ADGRG4: variants seen among roughly 807,000 people sequenced by gnomAD.
ADGRG4 encodes G protein-coupled receptor 112.
ADGRG4 carries 122 observed loss-of-function variants against 126.2 expected under a neutral mutation model. The ratio of observed to expected loss-of-function variants is 0.97; its 90% CI spans 0.83 to 1.12. The LOEUF is 1.12. ADGRG4 is among the 50% of genes most tolerant of loss of function. ADGRG4 has a pLI of 0.00. For synonymous variants in ADGRG4, 943 were observed against 838.7 expected, an observed-to-expected ratio of 1.12 and a Z score of -2.15; for missense variants, 2,481 against 2,251.8, an observed-to-expected ratio of 1.10 and a Z score of -2.06.
intron 15 of ADGRG4, among the ~76,000 whole-genome samples, chrX:136,376,410 AT>A (rs763735002): frequency 9.0e-6 from 1 of 111,072 alleles, no homozygotes; most frequent in Non-Finnish European, 1.9e-5. Flanking sequence ...GAATTTTAGA[AT>A]TTTTTTCTAG....
intron 23 of ADGRG4, among the ~76,000 whole-genome samples, chrX:136,411,058 A>C (rs1394399783): frequency 9.0e-6 from 1 of 110,955 alleles, no homozygotes; most frequent in Non-Finnish European, 1.9e-5. Flanking sequence ...ATTTGCAATC[A>C]AGATAATTTT....
chrX:136,304,505 TCTC>T (rs1375796073), intron 2 of ADGRG4, among the ~76,000 whole-genome samples: 1 of 111,982 alleles, frequency 8.9e-6, no homozygotes, highest in Non-Finnish European at 1.9e-5. Context: ...TATAAATAAT[TCTC>T]CTCTAAATTC....
intron 3 of ADGRG4, chrX:136,306,204 C>T (rs2074732409): frequency 9.0e-6 from 1 of 110,765 alleles, no homozygotes; most frequent in Non-Finnish European, 1.9e-5. Context: ...CTCCCTCTTT[C>T]CTTTCCTTCC....
chrX:136,398,979 T>A (rs1035993555), intron 20 of ADGRG4, among the ~76,000 whole-genome samples: 1 of 112,452 alleles, frequency 8.9e-6, no homozygotes, highest in African/African-American at 3.2e-5. Context: ...CAATGCAACA[T>A]AATATTTAAA....
intron 22 of ADGRG4, among the ~76,000 whole-genome samples, chrX:136,404,747 G>A (rs981980958): frequency 3.6e-5 from 4 of 112,011 alleles, no homozygotes; most frequent in East Asian, 2.8e-4. Context: ...TTTCTGTGGC[G>A]TCTTTTAAGG....
chrX:136,384,326 C>T (rs2075282277), intron 15 of ADGRG4, among the ~76,000 whole-genome samples: 1 of 111,446 alleles, frequency 9.0e-6, no homozygotes. Context: ...AACTTTAAAC[C>T]AGACGTGTCA....
chrX:136,374,893 A>G (rs1027751520), intron 15 of ADGRG4, among the ~76,000 whole-genome samples: 1 of 110,981 alleles, frequency 9.0e-6, no homozygotes, highest in Non-Finnish European at 1.9e-5. Flanking sequence ...TTCTTTCTTT[A>G]TTGCAATAGT....
At chrX:136,391,394 C>A (rs764842538) in intron 16 of ADGRG4, among the ~76,000 whole-genome samples, 4 of 111,643 alleles carry the variant, frequency 3.6e-5, no homozygotes, top group Admixed American at 2.8e-4. Context: ...GCCTGGGGTA[C>A]TTTGGCACTG....
chrX:136,318,292 A>G (rs1381836964), intron 4 of ADGRG4, among the ~76,000 whole-genome samples: 2 of 112,045 alleles, frequency 1.8e-5, no homozygotes, highest in Non-Finnish European at 3.8e-5. Flanking sequence ...AAGGACACAT[A>G]TTGTCTAACT....
At position 136,316,640 on chromosome X, in the gene ADGRG4, T is replaced by G. The variant is rs1007230791; in HGVS notation, c.71-6138T>G. On this transcript the variant is annotated intron_variant, in intron 4 of 25. Coordinates refer to ENST00000394143, the MANE Select transcript of ADGRG4 (RefSeq NM_153834.4). ...CTGCCACCACGCCTGGCTAATTTTT[T>G]TATTTTTAGTAGAGATGGGGTTTCG... is the stretch of plus-strand genomic sequence containing the variant. Among the ~76,000 whole-genome samples the G allele has an allele frequency of 2.7e-5, 3 of 110,771 alleles. No individual in the cohort carries two copies. The East Asian group carries it at 8.5e-4, about 31-fold the overall frequency.
intron 4 of ADGRG4, among the ~76,000 whole-genome samples, chrX:136,321,879 A>G (rs1228481356): frequency 2.7e-5 from 3 of 112,415 alleles, no homozygotes; most frequent in Non-Finnish European, 5.6e-5. Context: ...TAAAGTCATC[A>G]GGGAGAGGCT....
intron 25 of ADGRG4, among the ~76,000 whole-genome samples, chrX:136,415,235 T>G (rs2075469550): frequency 9.0e-6 from 1 of 111,730 alleles, no homozygotes; most frequent in Admixed American, 9.5e-5. Flanking sequence ...TTTCTTTATG[T>G]TGGCTCCAAA....
rs150091491 is a variant in ADGRG4, at chrX:136,385,450, T to A, written c.7777-2290T>A. 7.4e-3 allele frequency among the ~76,000 whole-genome samples: 834 copies of A among 111,992 alleles called. 17 individuals carry two copies. The highest frequency in any genetic ancestry group is 0.072 in the East Asian group (258 of 3,568). On this transcript the variant is annotated intron_variant, in intron 15 of 25. Coordinates refer to ENST00000394143, the MANE Select transcript of ADGRG4 (RefSeq NM_153834.4). Reference sequence around the variant, plus strand: ...TTCCAATTATACTCAAAGTTTAGAATTTCTGTTTTGTTTGTTTCTGTTTCT... The same window carrying A: ...TTCCAATTATACTCAAAGTTTAGAAATTCTGTTTTGTTTGTTTCTGTTTCT...
chrX:136,301,288 G>A (rs1390568015), intron 1 of ADGRG4, among the ~76,000 whole-genome samples: 1 of 112,170 alleles, frequency 8.9e-6, no homozygotes, highest in Non-Finnish European at 1.9e-5. Flanking sequence ...TCTAACTGGT[G>A]TGAGATGGTA....
At chrX:136,383,714 G>A (rs1244388551) in intron 15 of ADGRG4, among the ~76,000 whole-genome samples, 1 of 110,528 alleles carries the variant, frequency 9.0e-6, no homozygotes, top group Non-Finnish European at 1.9e-5. Flanking sequence ...TCTGGCTTTT[G>A]TTCCTCTGTT....
chrX:136,360,900 T>C (rs2075124237), intron 11 of ADGRG4, among the ~76,000 whole-genome samples: 1 of 111,967 alleles, frequency 8.9e-6, no homozygotes, highest in Non-Finnish European at 1.9e-5. Flanking sequence ...ATAAAACTGC[T>C]AACAGTGGGT....
intron 5 of ADGRG4, among the ~76,000 whole-genome samples, chrX:136,335,694 A>G (rs2074944366): frequency 8.9e-6 from 1 of 111,932 alleles, no homozygotes; most frequent in African/African-American, 3.2e-5. Context: ...TAATTGCTGC[A>G]GAATAAGTAG....
At position 136,397,866 on chromosome X, in the gene ADGRG4, C is replaced by T; in HGVS notation, c.8185-15C>T. The T allele has an allele frequency of 8.3e-7, 1 of 1,203,228 alleles. No homozygotes were observed. Among genetic ancestry groups the T allele is most frequent in the East Asian group, 3.0e-5 (1 of 33,697 alleles). On this transcript the variant is annotated splice_polypyrimidine_tract_variant and intron_variant, in intron 19 of 25. Coordinates refer to ENST00000394143, the MANE Select transcript of ADGRG4 (RefSeq NM_153834.4). The stretch of plus-strand genomic sequence containing the variant: ...TCTGGTGTATGTGTAAAACACAACA[C>T]ATTGTGTTCCTTAGGATTTATCCAG...
At position 136,387,334 on chromosome X, in the gene ADGRG4, T is replaced by G. The variant is rs755248264; in HGVS notation, c.7777-406T>G. Among the ~76,000 whole-genome samples the G allele has an allele frequency of 5.3e-5, 6 of 112,269 alleles. No homozygotes were observed. The South Asian group carries it at 2.2e-3, about 42-fold the overall frequency. The stretch of plus-strand genomic sequence containing the variant: ...TGCCTAATATCATTGTATTGTGTTT[T>G]TTATTGTTACTTTGTTTTTTCCTTT... On this transcript the variant is annotated intron_variant, in intron 15 of 25. Coordinates refer to ENST00000394143, the MANE Select transcript of ADGRG4 (RefSeq NM_153834.4).
Sources: allele counts gnomAD v4.1 joint callset (sites outside exome capture counted in the v4.1 genomes callset), GRCh38; gene constraint gnomAD v4.1.1; transcripts MANE v1.5; gene names NCBI Gene and HGNC (gene_info 2026-07-23, HGNC 2026-07-21).